The following KCNH7 variants were observed in gnomAD, a reference collection of about 807,000 sequenced individuals.
KCNH7 encodes the protein potassium voltage-gated channel subfamily H member 7.
Under a neutral mutation model 120.8 loss-of-function variants are expected in KCNH7, and 49 were observed. The ratio of observed to expected loss-of-function variants is 0.41; its 90% confidence interval spans 0.32 to 0.51. The LOEUF is 0.51. Among genes scored for constraint, KCNH7 ranks in the 20% least tolerant of loss-of-function variants. The pLI, the probability that KCNH7 is intolerant of heterozygous loss-of-function variation, is 0.38. For synonymous variants in KCNH7, 547 were observed against 516.1 expected, an observed-to-expected ratio of 1.06 and a Z score of -0.81; for missense variants, 1,097 against 1,446.6, an observed-to-expected ratio of 0.76 and a Z score of 3.92.
rs566120269 is a variant in KCNH7, at chr2:162,483,725, T to G, written c.1128+20718A>C. ...AAAAATTATTTGCTTTCCTATGGAG[T>G]TAATTTTCTTGAGTCAGGTAGTAAA... is the stretch of plus-strand genomic sequence containing the variant. On this transcript the variant is annotated intron_variant, in intron 6 of 15. Transcript: ENST00000332142. Among the ~76,000 whole-genome samples the G allele has an allele frequency of 7.9e-5, 12 of 152,206 alleles. No individual in the cohort carries two copies. The South Asian group carries it at 2.5e-3, about 32-fold the overall frequency.
intron 14 of KCNH7, among the ~76,000 whole-genome samples, chr2:162,378,464 A>G (rs1464681518): frequency 6.6e-6 from 1 of 152,230 alleles, no homozygotes; most frequent in Non-Finnish European, 1.5e-5. Context: ...AAATTTAAGC[A>G]TAAATAGTGA....
intron 2 of KCNH7, among the ~76,000 whole-genome samples, chr2:162,543,601 G>A (rs776114742): frequency 3.9e-5 from 6 of 152,042 alleles, no homozygotes; most frequent in Non-Finnish European, 7.4e-5. Context: ...ACTCAGAGAA[G>A]GGGAAGGCAG....
chr2:162,463,244 GC>G (rs142004317), intron 6 of KCNH7, among the ~76,000 whole-genome samples: 9,176 of 151,948 alleles, frequency 0.06, 859 homozygotes, highest in African/African-American at 0.2. Flanking sequence ...ATAGCTATAG[GC>G]CAATTCCACA....
chr2:162,604,322 C>T (rs944875070), intron 2 of KCNH7, among the ~76,000 whole-genome samples: 9 of 151,902 alleles, frequency 5.9e-5, no homozygotes, highest in African/African-American at 9.7e-5. Flanking sequence ...ATTTTCAATA[C>T]GGTTCAATAA....
chr2:162,680,061 G>A (rs1381761238), intron 2 of KCNH7, among the ~76,000 whole-genome samples: 2 of 151,690 alleles, frequency 1.3e-5, no homozygotes, highest in African/African-American at 2.4e-5. Flanking sequence ...GCAATTTTAA[G>A]GGCTTACAGT....
intron 3 of KCNH7, among the ~76,000 whole-genome samples, chr2:162,522,363 T>G (rs1360748670): frequency 6.6e-6 from 1 of 151,944 alleles, no homozygotes; most frequent in Non-Finnish European, 1.5e-5. Context: ...CACATAGGCA[T>G]TTAGTTTATT....
intron 2 of KCNH7, among the ~76,000 whole-genome samples, chr2:162,664,869 G>C (rs1162393692): frequency 6.6e-6 from 1 of 152,096 alleles, no homozygotes; most frequent in Non-Finnish European, 1.5e-5. Flanking sequence ...TCTTATGGCT[G>C]ATCTGGCTTC....
intron 6 of KCNH7, among the ~76,000 whole-genome samples, chr2:162,457,702 T>G (rs1689014888): frequency 6.6e-6 from 1 of 152,016 alleles, no homozygotes; most frequent in Admixed American, 6.6e-5. Flanking sequence ...CATGATGAGG[T>G]GTTGGTTGAA....
At chr2:162,387,062 A>G (rs566537354) in intron 12 of KCNH7, among the ~76,000 whole-genome samples, 4 of 151,316 alleles carry the variant, frequency 2.6e-5, no homozygotes, top group Non-Finnish European at 5.9e-5. Context: ...TAAAAGCAGA[A>G]TCAGGTAAAA....
intron 2 of KCNH7, among the ~76,000 whole-genome samples, chr2:162,825,259 C>T (rs1685242392): frequency 6.6e-6 from 1 of 151,554 alleles, no homozygotes; most frequent in African/African-American, 2.4e-5. Context: ...CCTCATTGCT[C>T]CCTAGGTTTC....
Position 162,499,089 on chromosome 2 carries a change from G to A in KCNH7, c.1128+5354C>T, listed in dbSNP as rs1574032362. Among the ~76,000 whole-genome samples, 3 of 152,162 alleles carry A rather than the reference G, an allele frequency of 2.0e-5. No individual in the cohort carries two copies. The East Asian group carries it at 5.8e-4, about 29-fold the overall frequency. Reference sequence around the variant, plus strand: ...CTATTCGGATACTCATACTTATCCAGGGAGAGTGGTCTAATACAAAACTTG... The same window carrying A: ...CTATTCGGATACTCATACTTATCCAAGGAGAGTGGTCTAATACAAAACTTG... On this transcript the variant is annotated intron_variant, in intron 6 of 15. Coordinates refer to ENST00000332142, the MANE Select transcript of KCNH7 (RefSeq NM_033272.4).
At chr2:162,461,112 G>A (rs1324356542) in intron 6 of KCNH7, among the ~76,000 whole-genome samples, 1 of 152,164 alleles carries the variant, frequency 6.6e-6, no homozygotes, top group Non-Finnish European at 1.5e-5. Context: ...GGACACAAAT[G>A]TGAAGAACAC....
chr2:162,603,033 G>A (rs1025391303), intron 2 of KCNH7, among the ~76,000 whole-genome samples: 16 of 151,596 alleles, frequency 1.1e-4, no homozygotes, highest in African/African-American at 2.4e-5. Context: ...GGTTGGACTA[G>A]TCCAGCATCA....
At chr2:162,625,495 C>T (rs1683520536) in intron 2 of KCNH7, among the ~76,000 whole-genome samples, 1 of 152,200 alleles carries the variant, frequency 6.6e-6, no homozygotes, top group South Asian at 2.1e-4. Context: ...GGGGAGGAAG[C>T]ATTTTAGGGG....
intron 12 of KCNH7, among the ~76,000 whole-genome samples, chr2:162,386,883 T>C (rs1428214604): frequency 6.6e-6 from 1 of 151,734 alleles, no homozygotes; most frequent in Non-Finnish European, 1.5e-5. Flanking sequence ...ATGAACAAGA[T>C]TCACCAGTTA....
chr2:162,771,415 T>C lies in KCNH7; in HGVS notation c.307+65122A>G, dbSNP rs562268984. 1.2e-4 allele frequency among the ~76,000 whole-genome samples: 18 copies of C among 152,242 alleles called. No homozygotes were observed. In the South Asian group the frequency reaches 3.7e-3, roughly 32 times the overall value. ...TGTAGGTTTCCTCTATCCCAACTTC[T>C]AGATGTCAAATATCACTTTAGCCAT... On this transcript the variant is annotated intron_variant, in intron 2 of 15. Transcript: ENST00000332142.
intron 2 of KCNH7, among the ~76,000 whole-genome samples, chr2:162,664,827 A>G (rs1685081194): frequency 6.6e-6 from 1 of 152,126 alleles, no homozygotes; most frequent in Non-Finnish European, 1.5e-5. Flanking sequence ...GTTTAACAGA[A>G]AAGATTCAGC....
At chr2:162,701,583 A>G (rs1377935209) in intron 2 of KCNH7, among the ~76,000 whole-genome samples, 1 of 152,200 alleles carries the variant, frequency 6.6e-6, no homozygotes, top group Non-Finnish European at 1.5e-5. Flanking sequence ...GCAGTGGGGC[A>G]TATAACACAT....
intron 12 of KCNH7, among the ~76,000 whole-genome samples, chr2:162,389,969 A>C (rs1686694402): frequency 6.6e-6 from 1 of 152,038 alleles, no homozygotes; most frequent in African/African-American, 2.4e-5. Context: ...TAAAGTAGAA[A>C]TAAACATGAA....
Sources: gnomAD v4.1 joint callset for allele counts (sites outside exome capture counted in the v4.1 genomes callset) on GRCh38, gnomAD v4.1.1 for gene constraint, MANE v1.5 for transcripts, NCBI Gene and HGNC (gene_info 2026-07-23, HGNC 2026-07-21) for gene names.